SVIL: variants seen among roughly 807,000 people sequenced by gnomAD.
The protein encoded by SVIL is archvillin.
Under a neutral mutation model 240.4 loss-of-function variants are expected in SVIL, and 101 were observed. The observed-to-expected ratio is 0.42, with a 90% CI of 0.36 to 0.50. The LOEUF is 0.50. Ranked by LOEUF, SVIL falls within the 20% of genes least tolerant of loss-of-function variation. The pLI is 0.01. For missense variants in SVIL, 2,512 were observed against 2,818.7 expected (o/e 0.89, Z 2.46); for synonymous variants, 999 against 1,100.0 (o/e 0.91, Z 1.82).
intron 1 of SVIL, among the ~76,000 whole-genome samples, chr10:29,625,410 T>G (rs1001841303): frequency 2.8e-4 from 42 of 152,160 alleles, no homozygotes; most frequent in African/African-American, 9.9e-4. Flanking sequence ...ATTTTAAAAA[T>G]AGAGAGAGAT....
At chr10:29,463,467 G>A in intron 35 of SVIL, 25 bp downstream of exon 35, 2 of 1,610,896 alleles carry the variant, frequency 1.2e-6, no homozygotes, top group Non-Finnish European at 1.7e-6. Context: ...GTTCCGTGCT[G>A]CAGGCATGTT....
intron 1 of SVIL, among the ~76,000 whole-genome samples, chr10:29,583,412 AC>A (rs1304944848): frequency 1.3e-5 from 2 of 151,828 alleles, no homozygotes. Flanking sequence ...AATTCCTCCC[AC>A]CTCTGCCTCC....
intron 6 of SVIL, among the ~76,000 whole-genome samples, chr10:29,539,238 T>C (rs1030629945): frequency 2.0e-5 from 3 of 152,198 alleles, no homozygotes; most frequent in Non-Finnish European, 2.9e-5. Context: ...TAGGACATAA[T>C]AAGCCTTTTA....
chr10:29,498,607 T>G (rs1948639148), intron 18 of SVIL, among the ~76,000 whole-genome samples: 1 of 152,198 alleles, frequency 6.6e-6, no homozygotes, highest in South Asian at 2.1e-4. Flanking sequence ...AGATACTATT[T>G]ATGAAGAAAA....
At chr10:29,469,309 C>T (rs564818703) in intron 32 of SVIL, among the ~76,000 whole-genome samples, 44 of 152,170 alleles carry the variant, frequency 2.9e-4, no homozygotes, top group Non-Finnish European at 2.6e-4. Context: ...GAGAGGTCAC[C>T]TGCCCCGTTC....
chr10:29,551,176 TGGACACC>T lies in SVIL; in HGVS notation c.241_247del (p.Gly81ThrfsTer40), dbSNP rs1401976014. On this transcript the variant is annotated frameshift_variant, in exon 6 of 38. Transcript: ENST00000355867. LOFTEE classifies it high-confidence loss of function. ...ACCCGAACCATAGGGTGAGTCACCGTGGACACCGGAGGTTTCTGTGCAGTATTTGGAT... is the reference window on the plus strand; with the variant it reads ...ACCCGAACCATAGGGTGAGTCACCGTGGAGGTTTCTGTGCAGTATTTGGAT... 6.2e-7 allele frequency: 1 copy of T among 1,614,150 alleles called. No homozygotes were observed. The highest frequency in any genetic ancestry group is 1.7e-5 in the Admixed American group (1 of 60,022).
At chr10:29,678,898 G>A (rs1290003815) in intron 2 of SVIL, among the ~76,000 whole-genome samples, 2 of 152,150 alleles carry the variant, frequency 1.3e-5, no homozygotes, top group African/African-American at 4.8e-5. Context: ...GTAGCAGCCT[G>A]TGTATAAAAT....
chr10:29,524,550 C>T lies in SVIL; in HGVS notation c.2508G>A (p.Arg836=). Residue 836 remains arginine (R), a synonymous_variant, in exon 14 of 38, where the codon CGG becomes CGA. Coordinates refer to ENST00000355867, the MANE Select transcript of SVIL (RefSeq NM_021738.3). ...TCCTCTGTCTCGTGTCTATTCTGTT[C>T]CGGGTAGAAATCGCTTTTGAGACTG... The part of the protein sequence containing the change: ...SQPVSKAIST[R]NRIDTRQRRM... The T allele has an allele frequency of 2.5e-6, 4 of 1,614,072 alleles. No individual in the cohort carries two copies. The highest frequency in any genetic ancestry group is 1.3e-5 in the African/African-American group (1 of 75,004).
At chr10:29,630,599 C>CA (rs1958046678) in intron 1 of SVIL, among the ~76,000 whole-genome samples, 8 of 152,050 alleles carry the variant, frequency 5.3e-5, no homozygotes, top group Admixed American at 4.6e-4. Context: ...TCATTTTAGG[C>CA]AAAGTTCCAA....
Position 29,473,953 on chromosome 10 carries a change from G to A in SVIL, c.5414C>T (p.Ala1805Val). 1.2e-6 allele frequency: 2 copies of A among 1,613,948 alleles called. No homozygotes were observed. The highest frequency in any genetic ancestry group is 2.2e-5 in the East Asian group (1 of 44,880). ...SRQKGEHSVR[A>V]AGKEKCVYFF... ...GTAGACGCACTTCTCTTTGCCGGCT[G>A]CCCTCACCGAGTGCTCTCCCTTCTG... The change falls in exon 30 of 38, where the codon GCA (alanine) becomes GTA (valine). Residue 1805 changes from alanine (A) to valine (V), a missense_variant. By Grantham distance (64) the Ala-to-Val change is moderately conservative (BLOSUM62 0). Around this residue, in one of 3 missense-constraint regions of SVIL, gnomAD observed 797 missense variants for 925.3 expected, o/e 0.86. Coordinates refer to ENST00000355867, the MANE Select transcript of SVIL (RefSeq NM_021738.3).
intron 16 of SVIL, among the ~76,000 whole-genome samples, chr10:29,517,242 G>A (rs1203183696): frequency 9.9e-5 from 15 of 151,836 alleles, no homozygotes; most frequent in Admixed American, 2.6e-4. Context: ...GCAAGACCCC[G>A]TCTCTACAAA....
intron 3 of SVIL, among the ~76,000 whole-genome samples, chr10:29,655,248 G>A (rs1053852899): frequency 3.3e-5 from 5 of 152,162 alleles, no homozygotes; most frequent in African/African-American, 1.2e-4. Flanking sequence ...GTAGTGGTCA[G>A]TCCAAGTCCT....
At position 29,521,138 on chromosome 10, in the gene SVIL, G is replaced by A. The variant is rs187721408; in HGVS notation, c.3389+1272C>T. Reference sequence around the variant, plus strand: ...CTTGGGAGGCTGAGGCAGGAGAATCGCTTGAACCCGGGAGGCAGAGGTTGC... The same window carrying A: ...CTTGGGAGGCTGAGGCAGGAGAATCACTTGAACCCGGGAGGCAGAGGTTGC... On this transcript the variant is annotated intron_variant, in intron 16 of 37. Coordinates refer to ENST00000355867, the MANE Select transcript of SVIL (RefSeq NM_021738.3). Among the ~76,000 whole-genome samples, 29 of 150,584 alleles carry A rather than the reference G, an allele frequency of 1.9e-4. No individual in the cohort carries two copies. The East Asian group carries it at 2.0e-3, about 10-fold the overall frequency.
At chr10:29,567,398 C>T (rs1436725650) in intron 2 of SVIL, among the ~76,000 whole-genome samples, 4 of 152,176 alleles carry the variant, frequency 2.6e-5, no homozygotes, top group African/African-American at 7.2e-5. Context: ...ATATGGGAGA[C>T]GAAGCCCCAT....
At chr10:29,714,558 C>T (rs1963499732) in intron 1 of SVIL, among the ~76,000 whole-genome samples, 1 of 152,140 alleles carries the variant, frequency 6.6e-6, no homozygotes, top group Admixed American at 6.5e-5. Context: ...TATGAATCAT[C>T]AGTGATGAGT....
rs529206977 is a variant in SVIL, at chr10:29,562,102, G to T, written c.-51+1099C>A. Among the ~76,000 whole-genome samples, 5 of 152,162 alleles carry T rather than the reference G, an allele frequency of 3.3e-5. 1 individual carries two copies. The South Asian group carries it at 1.0e-3, about 32-fold the overall frequency. On this transcript the variant is annotated intron_variant, in intron 3 of 37. Transcript: ENST00000355867. ...CGTTTTTTGTTCTAATTTCTTTGGGGCATGATTTTTGCTTTTTCTTTCAGA... is the reference window on the plus strand; with the variant it reads ...CGTTTTTTGTTCTAATTTCTTTGGGTCATGATTTTTGCTTTTTCTTTCAGA...
At chr10:29,653,582 T>G (rs1391770662) in intron 3 of SVIL, among the ~76,000 whole-genome samples, 1 of 152,198 alleles carries the variant, frequency 6.6e-6, no homozygotes, top group African/African-American at 2.4e-5. Flanking sequence ...TTATCTATTT[T>G]TATTTTGTCA....
chr10:29,591,172 A>G (rs1430045935), intron 1 of SVIL, among the ~76,000 whole-genome samples: 1 of 152,188 alleles, frequency 6.6e-6, no homozygotes. Context: ...CTTTTTTAAT[A>G]TATGTGAAGT....
chr10:29,641,406 C>T (rs989427748), intron 3 of SVIL, among the ~76,000 whole-genome samples: 2 of 151,882 alleles, frequency 1.3e-5, no homozygotes, highest in South Asian at 2.1e-4. Context: ...CCCATCTCTA[C>T]TGAAAATACA....
Sources: gnomAD v4.1 joint callset for allele counts (sites outside exome capture counted in the v4.1 genomes callset) on GRCh38, gnomAD v4.1.1 for gene constraint, gnomAD v4.1.1 regional missense constraint, MANE v1.5 for transcripts, NCBI Gene and HGNC (gene_info 2026-07-23, HGNC 2026-07-21) for gene names.